Variants in ANKFN1 observed in about 807,000 individuals in gnomAD.
The protein encoded by ANKFN1 is ankyrin repeat and fibronectin type-III domain-containing protein 1.
A neutral mutation model predicts 108.7 loss-of-function variants in ANKFN1; 74 were observed. The observed-to-expected ratio is 0.68, with a 90% confidence interval of 0.56 to 0.83. The LOEUF is 0.83. ANKFN1 is among the 40% of genes least tolerant of loss of function. The probability of loss-of-function intolerance (pLI) is 0.00; values close to 1 mark genes in which losing one functional copy is unlikely to be tolerated. For missense variants in ANKFN1, 1,505 were observed against 1,382.3 expected, an observed-to-expected ratio of 1.09 and a Z score of -1.41; for synonymous variants, 547 against 516.2, an observed-to-expected ratio of 1.06 and a Z score of -0.81.
intron 4 of ANKFN1, among the ~76,000 whole-genome samples, chr17:56,085,362 C>A (rs1183089437): frequency 6.6e-6 from 1 of 150,558 alleles, no homozygotes; most frequent in African/African-American, 2.4e-5. Context: ...GAGGAGAGAA[C>A]AACATAGGAA....
chr17:56,301,757 T>A (rs1405174202), intron 3 of ANKFN1, among the ~76,000 whole-genome samples: 1 of 152,218 alleles, frequency 6.6e-6, no homozygotes, highest in Non-Finnish European at 1.5e-5. Flanking sequence ...TTGATAAGCA[T>A]GTCTGTAGAA....
chr17:56,360,253 A>G (rs1488305063), intron 6 of ANKFN1, among the ~76,000 whole-genome samples: 1 of 152,188 alleles, frequency 6.6e-6, no homozygotes, highest in African/African-American at 2.4e-5. Flanking sequence ...GTAACATGCC[A>G]GGCTATCTTA....
At chr17:56,229,057 TG>T (rs1483592956) in intron 3 of ANKFN1, among the ~76,000 whole-genome samples, 3 of 152,156 alleles carry the variant, frequency 2.0e-5, no homozygotes, top group Admixed American at 2.0e-4. Flanking sequence ...GTTGGTTTTT[TG>T]TTTGCTCTCT....
chr17:56,310,725 A>G (rs898542116), intron 3 of ANKFN1, among the ~76,000 whole-genome samples: 1 of 151,792 alleles, frequency 6.6e-6, no homozygotes, highest in African/African-American at 2.4e-5. Flanking sequence ...GCTAATTAAC[A>G]TATCCATCAT....
chr17:56,276,541 A>G (rs1038257529), intron 3 of ANKFN1, among the ~76,000 whole-genome samples: 3 of 152,162 alleles, frequency 2.0e-5, no homozygotes, highest in Non-Finnish European at 4.4e-5. Context: ...AATGATCGCC[A>G]TTCTAACTGG....
chr17:56,507,934 A>G (rs1329417091), intron 20 of ANKFN1, among the ~76,000 whole-genome samples: 2 of 152,092 alleles, frequency 1.3e-5, no homozygotes, highest in Non-Finnish European at 2.9e-5. Context: ...ACTTCATACT[A>G]CCCAAAATTA....
In ANKFN1 at chr17:56,322,082, T is replaced by C. The variant is rs117846904; in HGVS notation, c.54-4139T>C. On this transcript the variant is annotated intron_variant, in intron 3 of 20. Transcript: ENST00000682825. ...TTCTTCAAAGCATTCTATGAATGTC[T>C]AGGCACATTGACATGACTCCAAGGA... Among the ~76,000 whole-genome samples, 184 of 152,284 alleles carry C rather than the reference T, an allele frequency of 1.2e-3. 3 individuals carry two copies. The East Asian group carries it at 0.03, about 25-fold the overall frequency.
chr17:56,083,103 C>T (rs185842916), intron 4 of ANKFN1, among the ~76,000 whole-genome samples: 2 of 151,346 alleles, frequency 1.3e-5, no homozygotes, highest in East Asian at 1.9e-4. Flanking sequence ...AGCTGACAGT[C>T]GAGAACTGAA....
At chr17:56,457,676 G>A (rs757065900) in intron 13 of ANKFN1, among the ~76,000 whole-genome samples, 187 bp from the exon 14 acceptor site, 9 of 152,156 alleles carry the variant, frequency 5.9e-5, no homozygotes, top group Admixed American at 1.3e-4. Context: ...GGATCTGACC[G>A]TTTCATTAAC....
At chr17:56,072,605 C>T (rs1162503388) in intron 4 of ANKFN1, among the ~76,000 whole-genome samples, 1 of 152,148 alleles carries the variant, frequency 6.6e-6, no homozygotes, top group African/African-American at 2.4e-5. Context: ...TATATACAAC[C>T]TACTTATATG....
chr17:56,180,747 T>C (rs1488090625), intron 1 of ANKFN1, among the ~76,000 whole-genome samples: 6 of 152,168 alleles, frequency 3.9e-5, no homozygotes, highest in Non-Finnish European at 4.4e-5. Flanking sequence ...ATATATAAAA[T>C]GGAAAAAGCA....
intron 2 of ANKFN1, among the ~76,000 whole-genome samples, chr17:56,218,212 C>G (rs28572117): frequency 0.2 from 28,389 of 142,126 alleles, 3,505 homozygotes; most frequent in African/African-American, 0.33. Flanking sequence ...TCTTCCCCAC[C>G]CTCCCTCCCT....
chr17:56,084,893 C>T (rs572157758), intron 4 of ANKFN1, among the ~76,000 whole-genome samples: 2 of 150,860 alleles, frequency 1.3e-5, no homozygotes, highest in Non-Finnish European at 3.0e-5. Flanking sequence ...GTTATTCTTA[C>T]TTGTAATGCA....
chr17:56,293,579 G>A (rs1182011486), intron 3 of ANKFN1, among the ~76,000 whole-genome samples: 1 of 152,182 alleles, frequency 6.6e-6, no homozygotes. Context: ...TTAAGTGTTG[G>A]TGACTGTGGG....
At chr17:56,441,601 A>T (rs1402139628) in intron 9 of ANKFN1, among the ~76,000 whole-genome samples, 1 of 152,180 alleles carries the variant, frequency 6.6e-6, no homozygotes, top group East Asian at 1.9e-4. Flanking sequence ...AAGGAACCCT[A>T]GGGAATTTTC....
intron 8 of ANKFN1, among the ~76,000 whole-genome samples, chr17:56,387,185 C>G (rs544953825): frequency 6.6e-6 from 1 of 152,052 alleles, no homozygotes; most frequent in South Asian, 2.1e-4. Flanking sequence ...CTGCTACTTT[C>G]TATGGGCTTA....
chr17:56,367,686 C>T (rs1021544399), intron 6 of ANKFN1, among the ~76,000 whole-genome samples: 4 of 152,044 alleles, frequency 2.6e-5, no homozygotes, highest in African/African-American at 4.8e-5. Flanking sequence ...GAACCAACTG[C>T]AATGAGAGAA....
At chr17:56,089,263 A>G (rs1213564075) in intron 4 of ANKFN1, among the ~76,000 whole-genome samples, 1 of 151,322 alleles carries the variant, frequency 6.6e-6, no homozygotes, top group East Asian at 1.9e-4. Flanking sequence ...TGTCTGCATA[A>G]TACTCCATCA....
intron 15 of ANKFN1, among the ~76,000 whole-genome samples, chr17:56,470,940 C>T (rs1343577185): frequency 3.3e-5 from 5 of 152,232 alleles, no homozygotes; most frequent in East Asian, 1.9e-4. Context: ...TAAGTTGCTC[C>T]GACCATTCTC....
Sources: allele counts gnomAD v4.1 joint callset (sites outside exome capture counted in the v4.1 genomes callset), GRCh38; gene constraint gnomAD v4.1.1; transcripts MANE v1.5; gene names NCBI Gene and HGNC (gene_info 2026-07-23, HGNC 2026-07-21).